MAP2K7: variants seen among roughly 807,000 people sequenced by gnomAD.
MAP2K7 encodes the protein dual specificity mitogen-activated protein kinase kinase 7.
MAP2K7 carries 12 observed loss-of-function variants against 47.7 expected under a neutral mutation model. That is an observed-to-expected ratio of 0.25 (90% confidence interval 0.16 to 0.41). MAP2K7 has a LOEUF of 0.41. Among genes scored for constraint, MAP2K7 ranks in the 10% least tolerant of loss-of-function variants. The pLI is 1.00. For synonymous variants in MAP2K7, 299 were observed against 243.0 expected, an observed-to-expected ratio of 1.23 and a Z score of -2.14; for missense variants, 415 against 600.3, an observed-to-expected ratio of 0.69 and a Z score of 3.23.
chr19:7,904,398 G>A (rs1982302565), intron 1 of MAP2K7: 3 of 308,802 alleles, frequency 9.7e-6, no homozygotes, highest in Admixed American at 8.3e-5. Flanking sequence ...AGGTCGCCCC[G>A]AAAACACAGA....
At chr19:7,907,708 G>A (rs1446567596) in intron 1 of MAP2K7, among the ~76,000 whole-genome samples, 1 of 152,194 alleles carries the variant, frequency 6.6e-6, no homozygotes, top group Non-Finnish European at 1.5e-5. Context: ...CCCTCGGAAG[G>A]CCTGGTGGGC....
rs924643474 is a variant in MAP2K7 at position 7,913,662 on chromosome 19, C to A, written c.*1231C>A. The A allele has an allele frequency of 6.6e-6, 1 of 151,940 alleles. No homozygotes were observed. Among genetic ancestry groups the A allele is most frequent in the African/African-American group, 2.4e-5 (1 of 41,344 alleles). 9.4% of individuals were successfully genotyped at this position (151,940 alleles called of 1,614,324 possible). On this transcript the variant is annotated 3_prime_UTR_variant, in exon 11 of 11. Coordinates refer to ENST00000397979, the MANE Select transcript of MAP2K7 (RefSeq NM_145185.4). ...GTGCACCGGGGACCCAGGCCAGGTG[C>A]CCCCCGGAGCCTGCTGGGGTGGCCA... is the stretch of plus-strand genomic sequence containing the variant.
chr19:7,912,280 C>G lies in MAP2K7; in HGVS notation c.1126-17C>G. The stretch of plus-strand genomic sequence containing the variant: ...GAAGACCGTCTCCTCCTAAGCCCCA[C>G]CCCCTCGGGCCCACAGGAACACAGC... On this transcript the variant is annotated splice_polypyrimidine_tract_variant and intron_variant, in intron 10 of 10. Coordinates refer to ENST00000397979, the MANE Select transcript of MAP2K7 (RefSeq NM_145185.4). The G allele has an allele frequency of 6.2e-7, 1 of 1,613,490 alleles. No individual in the cohort carries two copies. The highest frequency in any genetic ancestry group is 1.6e-4 in the Middle Eastern group (1 of 6,062).
intron 9 of MAP2K7, among the ~76,000 whole-genome samples, chr19:7,911,911 G>T (rs990502007): frequency 3.3e-5 from 5 of 152,120 alleles, no homozygotes; most frequent in African/African-American, 1.2e-4. Context: ...CTTTCTGGGG[G>T]ACCTCAGCCA....
At chr19:7,904,335 C>T (rs1982297701) in intron 1 of MAP2K7, 2 of 219,162 alleles carry the variant, frequency 9.1e-6, no homozygotes, top group Middle Eastern at 4.6e-4. Context: ...GCCCCCATCG[C>T]CGTGATCCTC....
rs999953906 is a variant in MAP2K7 at position 7,909,882 on chromosome 19, C to T, written c.252C>T (p.Pro84=). 1.3e-6 allele frequency: 2 copies of T among 1,525,576 alleles called. No individual in the cohort carries two copies. Among genetic ancestry groups the T allele is most frequent in the Non-Finnish European group, 8.8e-7 (1 of 1,133,888 alleles). 94.5% of individuals were successfully genotyped at this position (1,525,576 alleles called of 1,614,324 possible). ...MLGLPSTLFT[P]RSMESIEIDQ... is the part of the protein sequence containing the mutation. ...GGCTCCCGTCAACCCTGTTCACACC[C>T]CGCAGCATGGAGAGGTGAGCCAGGG... The change falls in exon 2 of 11, where the codon CCC becomes CCT. Residue 84 remains proline, a synonymous_variant. Coordinates refer to ENST00000397979, the MANE Select transcript of MAP2K7 (RefSeq NM_145185.4).
At chr19:7,904,638 G>A in intron 1 of MAP2K7, 1 of 164,868 alleles carries the variant, frequency 6.1e-6, no homozygotes, top group Non-Finnish European at 1.4e-5. Context: ...GAGGTGGGGG[G>A]ACGGGAGGGG....
chr19:7,906,709 A>C (rs1982483416), intron 1 of MAP2K7: 2 of 151,018 alleles, frequency 1.3e-5, no homozygotes, highest in African/African-American at 2.5e-5. Context: ...ACATGGTGAA[A>C]CCCTGTCTGC....
chr19:7,910,626 TC>T, intron 5 of MAP2K7, 54 bp downstream of exon 5: 2 of 1,611,016 alleles, frequency 1.2e-6, no homozygotes, highest in African/African-American at 1.3e-5. Context: ...CCCTGCCCCT[TC>T]CTAGGGAGCA....
intron 1 of MAP2K7, among the ~76,000 whole-genome samples, chr19:7,908,685 G>C (rs1982617421): frequency 6.6e-6 from 1 of 152,070 alleles, no homozygotes; most frequent in Non-Finnish European, 1.5e-5. Flanking sequence ...CGTTGTCAGG[G>C]CCTCTAGGAT....
chr19:7,904,521 GC>G (rs1480968571), intron 1 of MAP2K7: 2 of 278,606 alleles, frequency 7.2e-6, no homozygotes, highest in Non-Finnish European at 7.3e-6. Flanking sequence ...CTACGCACAC[GC>G]GCACGCCTGG....
Position 7,903,920 on chromosome 19 carries a change from C to CGCG in MAP2K7, c.-17_-15dup. ...CGGACTGACGGGCGGCCGGGCGGTG[C>CGCG]GCGGCGGCGGTGGCGGCGGGGAAGA... is the stretch of plus-strand genomic sequence containing the variant. On this transcript the variant is annotated 5_prime_UTR_variant, in exon 1 of 11. Transcript: ENST00000397979. 1 of 1,492,820 alleles carries CGCG rather than the reference C, an allele frequency of 6.7e-7. No individual in the cohort carries two copies. The highest frequency in any genetic ancestry group is 8.9e-7 in the Non-Finnish European group (1 of 1,118,088). The allele number at this position is 1,492,820 out of a possible 1,614,324, so 92.5% of individuals were successfully genotyped here.
At position 7,911,039 on chromosome 19, in the gene MAP2K7, G is replaced by A. The variant is rs776982191; in HGVS notation, c.735G>A (p.Lys245=). ...ACGGTGTCATCCACCGCGACGTCAA[G>A]CCCTCCAACATCCTGCTGGACGAGC... ...EKHGVIHRDV[K]PSNILLDERG... The change falls in exon 7 of 11, where the codon AAG becomes AAA. Residue 245 remains lysine, a synonymous_variant. Transcript: ENST00000397979. The A allele has an allele frequency of 6.2e-7, 1 of 1,612,818 alleles. No individual in the cohort carries two copies. Among genetic ancestry groups the A allele is most frequent in the South Asian group, 1.1e-5 (1 of 91,088 alleles).
intron 2 of MAP2K7, 50 bp downstream of exon 2, chr19:7,909,946 A>T (rs964678460): frequency 4.2e-5 from 63 of 1,501,978 alleles, no homozygotes; most frequent in Non-Finnish European, 5.5e-5. Context: ...TTGAGGGGCC[A>T]CCGTGCCAGC....
chr19:7,912,182 T>TA lies in MAP2K7; in HGVS notation c.1115dup (p.Asn372LysfsTer2). 1 of 1,614,010 alleles carries TA rather than the reference T, an allele frequency of 6.2e-7. No homozygotes were observed. The highest frequency in any genetic ancestry group is 8.5e-7 in the Non-Finnish European group (1 of 1,179,968). On this transcript the variant is annotated frameshift_variant, in exon 10 of 11. Transcript: ENST00000397979. LOFTEE classifies it high-confidence loss of function. Reference sequence around the variant, plus strand: ...AAGATCACAGGAAGAGACCAAAGTATAATAAGCTACTTGTGAGTACCTGAG... The same window carrying TA: ...AAGATCACAGGAAGAGACCAAAGTATAAATAAGCTACTTGTGAGTACCTGAG...
intron 1 of MAP2K7, among the ~76,000 whole-genome samples, chr19:7,904,289 T>C (rs1485591432): frequency 1.3e-5 from 2 of 152,068 alleles, no homozygotes; most frequent in Non-Finnish European, 2.9e-5. Context: ...GGGAGCCCAG[T>C]TCCCGGACCC....
intron 2 of MAP2K7, 33 bp downstream of exon 2, chr19:7,909,929 A>G: frequency 6.7e-7 from 1 of 1,502,620 alleles, no homozygotes; most frequent in Non-Finnish European, 8.9e-7. Flanking sequence ...TTGGGTGGGA[A>G]GCAGCATTGA....
At chr19:7,911,606 C>A in intron 9 of MAP2K7, 28 bp downstream of exon 9, 2 of 1,557,644 alleles carry the variant, frequency 1.3e-6, no homozygotes, top group South Asian at 2.3e-5. Context: ...CTTGGGAGGT[C>A]AGGGACAGCC....
chr19:7,911,670 C>A, intron 9 of MAP2K7, 92 bp downstream of exon 9: 1 of 1,317,162 alleles, frequency 7.6e-7, no homozygotes, highest in Non-Finnish European at 1.0e-6. Context: ...GAGGCCGCAC[C>A]CTGGGATGGG....
Sources: gnomAD v4.1 joint callset for allele counts (sites outside exome capture counted in the v4.1 genomes callset) on GRCh38, gnomAD v4.1.1 for gene constraint, MANE v1.5 for transcripts, NCBI Gene and HGNC (gene_info 2026-07-23, HGNC 2026-07-21) for gene names.